The following ATN1 variants were observed in gnomAD, a reference collection of about 807,000 sequenced individuals.
ATN1 encodes atrophin 1.
Under a neutral mutation model 85.8 loss-of-function variants are expected in ATN1, and 19 were observed. The ratio of observed to expected loss-of-function variants is 0.22; its 90% CI spans 0.15 to 0.32. The LOEUF is 0.32. Among genes scored for constraint, ATN1 ranks in the 10% least tolerant of loss-of-function variants. The probability of loss-of-function intolerance (pLI) is 1.00; values close to 1 mark genes in which losing one functional copy is unlikely to be tolerated. For synonymous variants in ATN1, 674 were observed against 657.0 expected (o/e 1.03, Z -0.39); for missense variants, 1,453 against 1,564.5 (o/e 0.93, Z 1.20).
intron 7 of ATN1, 135 bp downstream of exon 7, chr12:6,939,312 C>A: frequency 7.7e-7 from 1 of 1,296,310 alleles, no homozygotes; most frequent in Non-Finnish European, 1.0e-6. Flanking sequence ...CTGCCCTGAA[C>A]TTTGCCTCCC....
chr12:6,938,157 T>G, intron 6 of ATN1, 90 bp downstream of exon 6: 1 of 1,445,398 alleles, frequency 6.9e-7, no homozygotes, highest in Non-Finnish European at 9.1e-7. Context: ...GCTGCGGGGC[T>G]GTGGCTGGGT....
chr12:6,925,113 T>C (rs1945384842), upstream of ATN1, among the ~76,000 whole-genome samples: 1 of 130,160 alleles, frequency 7.7e-6, no homozygotes, highest in African/African-American at 3.3e-5. Context: ...TGTGTGTGCG[T>C]GTGCGTGTGT....
At chr12:6,940,760 C>A in intron 7 of ATN1, 120 bp from the exon 8 acceptor site, 1 of 1,278,786 alleles carries the variant, frequency 7.8e-7, no homozygotes, top group Non-Finnish European at 1.1e-6. Flanking sequence ...TGCCTTTGTT[C>A]CACTTTGGAC....
In ATN1 at chr12:6,939,030, G is replaced by C; in HGVS notation, c.3067G>C (p.Ala1023Pro). 1.2e-6 allele frequency: 2 copies of C among 1,609,816 alleles called. No homozygotes were observed. Among genetic ancestry groups the C allele is most frequent in the Non-Finnish European group, 1.7e-6 (2 of 1,180,004 alleles). Residue 1023 changes from alanine (A) to proline (P), a missense_variant, in exon 7 of 10, where the codon GCT becomes CCT. This residue lies in a region of ATN1 where 208 missense variants were observed against 263.4 expected (regional missense o/e 0.79). Coordinates refer to ENST00000396684, the MANE Select transcript of ATN1 (RefSeq NM_001940.4). ...CATGTCCTATGCTGAGCGGCTGGCA[G>C]CTGAGAGGCAGCACGCAGAAAGGGT... ...PDMSYAERLA[A>P]ERQHAERVAA...
intron 1 of ATN1, among the ~76,000 whole-genome samples, chr12:6,930,403 A>G (rs995093338): frequency 1.3e-5 from 2 of 151,814 alleles, no homozygotes; most frequent in African/African-American, 2.4e-5. Context: ...GACATCCCAT[A>G]TTTCTCTCTT....
At chr12:6,929,010 G>C (rs1161953787) in intron 1 of ATN1, among the ~76,000 whole-genome samples, 1 of 152,204 alleles carries the variant, frequency 6.6e-6, no homozygotes, top group Admixed American at 6.5e-5. Context: ...CAGCGTGGAA[G>C]AGGGAAGGCC....
rs117513509 is a variant in ATN1 at position 6,941,246 on chromosome 12, C to G, written c.3359-128C>G. The G allele has an allele frequency of 6.2e-6, 8 of 1,288,984 alleles. No individual in the cohort carries two copies. Among genetic ancestry groups the G allele is most frequent in the African/African-American group, 1.5e-5 (1 of 67,124 alleles). 79.8% of individuals were successfully genotyped at this position (1,288,984 alleles called of 1,614,324 possible). Reference sequence around the variant, plus strand: ...ATTCCACCCTACCACTGGCAACTTACAGAACTGGGTGTGTTACCTCACTTT... The same window carrying G: ...ATTCCACCCTACCACTGGCAACTTAGAGAACTGGGTGTGTTACCTCACTTT... On this transcript the variant is annotated intron_variant, in intron 8 of 9. Transcript: ENST00000396684. This position sits in a 1 kb window ranked among gnomAD's most constrained non-coding sequence, Gnocchi z 5.9.
chr12:6,924,741 C>G (rs1453981566), upstream of ATN1, among the ~76,000 whole-genome samples: 1 of 152,108 alleles, frequency 6.6e-6, no homozygotes, highest in East Asian at 1.9e-4. Context: ...TTTCCCTTTT[C>G]TCCTGGCGAC....
rs782626558 is a variant in ATN1 at position 6,938,893 on chromosome 12, T to C, written c.2930T>C (p.Leu977Pro). 9 of 1,613,988 alleles carry C rather than the reference T, an allele frequency of 5.6e-6. No individual in the cohort carries two copies. The South Asian group carries it at 8.8e-5, about 16-fold the overall frequency. The change falls in exon 7 of 10, where the codon CTG becomes CCG. Residue 977 changes from leucine to proline, a missense_variant. By Grantham distance (98) the Leu-to-Pro change is moderately conservative (BLOSUM62 -3). Transcript: ENST00000396684. ...GLDPFPRHGG[L>P]ALQPGPPGLH... ...GATCCCTTTCCCCGACATGGGGGCC[T>C]GGCTCTGCAGCCTGGCCCACCTGGC...
intron 1 of ATN1, among the ~76,000 whole-genome samples, chr12:6,928,888 GA>G (rs1274230919): frequency 6.6e-6 from 1 of 152,164 alleles, no homozygotes. Context: ...CGGGAAGTGG[GA>G]AACGGGAAAG....
In ATN1 at chr12:6,934,067, G is replaced by C. The variant is rs2138208539; in HGVS notation, c.27+39G>C. ...AGAGACATGAAAGATGAGGGGCGGGGCAGGCAAGCTAGGAGGAAGGGTCTA... is the reference window on the plus strand; with the variant it reads ...AGAGACATGAAAGATGAGGGGCGGGCCAGGCAAGCTAGGAGGAAGGGTCTA... On this transcript the variant is annotated intron_variant, in intron 2 of 9. Transcript: ENST00000396684. This position sits in a 1 kb window ranked among gnomAD's most constrained non-coding sequence, Gnocchi z 4.5. 6.2e-7 allele frequency: 1 copy of C among 1,610,884 alleles called. No homozygotes were observed. The highest frequency in any genetic ancestry group is 1.1e-5 in the South Asian group (1 of 90,644).
intron 6 of ATN1, among the ~76,000 whole-genome samples, 194 bp downstream of exon 6, chr12:6,938,261 A>C (rs1945580742): frequency 6.6e-6 from 1 of 152,194 alleles, no homozygotes; most frequent in South Asian, 2.1e-4. Context: ...AGCCATCTGC[A>C]TTCCTGGGTT....
rs371722337 is a variant in ATN1, at chr12:6,934,234, C to G, written c.86C>G (p.Ser29Trp). The stretch of plus-strand genomic sequence containing the variant: ...CCTGGGCCCCGGGAAGAACTGAGAT[C>G]GAGGGGCCGGGCCTCCCCTGGAGGG... ...EAPGPREELR[S>W]RGRASPGGVS... Residue 29 changes from serine (S) to tryptophan (W), a missense_variant, in exon 3 of 10, where the codon TCG becomes TGG. Ser to Trp is a radical substitution (Grantham distance 177). Coordinates refer to ENST00000396684, the MANE Select transcript of ATN1 (RefSeq NM_001940.4). This position sits in a 1 kb window ranked among gnomAD's most constrained non-coding sequence, Gnocchi z 4.5. 1 of 1,589,280 alleles carries G rather than the reference C, an allele frequency of 6.3e-7. No homozygotes were observed. The highest frequency in any genetic ancestry group is 1.4e-5 in the African/African-American group (1 of 72,958).
At position 6,934,893 on chromosome 12, in the gene ATN1, T is replaced by TG. The variant is rs1405530905; in HGVS notation, c.279+315_279+316insG. 4.6e-5 allele frequency among the ~76,000 whole-genome samples: 7 copies of TG among 151,980 alleles called. No individual in the cohort carries two copies. The highest frequency in any genetic ancestry group is 4.2e-4 in the South Asian group (2 of 4,818). ...GTGGTCTTTCTTTTTTATTGTTTTT[T>TG]TTTGTTTGTTTGTTTTTGAGACAGT... On this transcript the variant is annotated intron_variant, in intron 4 of 9. Transcript: ENST00000396684. This position sits in a 1 kb window ranked among gnomAD's most constrained non-coding sequence, Gnocchi z 4.5.
At position 6,936,224 on chromosome 12, in the gene ATN1, C is replaced by G. The variant is rs1265737618; in HGVS notation, c.957C>G (p.Gly319=). 1 of 1,602,184 alleles carries G rather than the reference C, an allele frequency of 6.2e-7. No individual in the cohort carries two copies. The highest frequency in any genetic ancestry group is 1.3e-5 in the African/African-American group (1 of 74,676). ...PLNNASASPP[G]LGAQPLPGHL... ...ACAATGCATCAGCCTCTCCCCCTGG[C>G]CTGGGGGCCCAACCACTACCTGGTC... is the stretch of plus-strand genomic sequence containing the variant. The change falls in exon 5 of 10, where the codon GGC becomes GGG. Residue 319 remains glycine (G), a synonymous_variant. Coordinates refer to ENST00000396684, the MANE Select transcript of ATN1 (RefSeq NM_001940.4).
Position 6,934,715 on chromosome 12 carries a change from C to G in ATN1, c.279+137C>G. ...GATCATAGTGCTTATGAGAGCAGTT[C>G]TGTCTATAATATGCCAGAGAGATTC... On this transcript the variant is annotated intron_variant, in intron 4 of 9. Coordinates refer to ENST00000396684, the MANE Select transcript of ATN1 (RefSeq NM_001940.4). This position sits in a 1 kb window ranked among gnomAD's most constrained non-coding sequence, Gnocchi z 4.5. 1.5e-6 allele frequency: 1 copy of G among 671,994 alleles called. No individual in the cohort carries two copies. The highest frequency in any genetic ancestry group is 2.6e-6 in the Non-Finnish European group (1 of 387,762). 41.6% of individuals were successfully genotyped at this position (671,994 alleles called of 1,614,324 possible).
intron 1 of ATN1, among the ~76,000 whole-genome samples, chr12:6,929,864 GCA>G (rs1230756823): frequency 1.3e-5 from 2 of 152,098 alleles, no homozygotes; most frequent in Admixed American, 1.3e-4. Context: ...TTGCTTCTTT[GCA>G]CTTTCTTTCA....
chr12:6,927,617 G>A (rs1357467894), upstream of ATN1, among the ~76,000 whole-genome samples: 1 of 149,492 alleles, frequency 6.7e-6, no homozygotes, highest in Non-Finnish European at 1.5e-5. Context: ...CTCGGCCTCG[G>A]CCAACTCGCG....
intron 1 of ATN1, among the ~76,000 whole-genome samples, chr12:6,930,757 C>T (rs1021003640): frequency 6.6e-6 from 1 of 151,950 alleles, no homozygotes; most frequent in Non-Finnish European, 1.5e-5. Context: ...GCCGAGATCG[C>T]GGCACGGCAC....
Sources: allele counts gnomAD v4.1 joint callset (sites outside exome capture counted in the v4.1 genomes callset), GRCh38; gene constraint gnomAD v4.1.1; regional missense constraint gnomAD v4.1.1; non-coding constraint Gnocchi (gnomAD v3.1); transcripts MANE v1.5; gene names NCBI Gene and HGNC (gene_info 2026-07-23, HGNC 2026-07-21).